Variants in RAD51C observed in about 807,000 individuals in gnomAD.
The protein encoded by RAD51C is DNA repair protein RAD51 homolog 3.
A neutral mutation model predicts 45.0 loss-of-function variants in RAD51C; 42 were observed. The observed-to-expected ratio is 0.93, with a 90% confidence interval of 0.73 to 1.21. The LOEUF is 1.21. RAD51C is among the 50% of genes most tolerant of loss of function. The pLI is 0.00. For missense variants in RAD51C, 474 were observed against 452.2 expected, an observed-to-expected ratio of 1.05 and a Z score of -0.44; for synonymous variants, 172 against 159.8, an observed-to-expected ratio of 1.08 and a Z score of -0.58.
At position 58,734,274 on chromosome 17, in the gene RAD51C, G is replaced by A. The variant is rs2144064364; in HGVS notation, c.*52G>A. ...AATTTATTGATGTTGTGAAATCAAT[G>A]TGTACAAGTGGACTTGTTACCTTAA... On this transcript the variant is annotated 3_prime_UTR_variant, in exon 9 of 9. Transcript: ENST00000337432. 1 of 1,576,614 alleles carries A rather than the reference G, an allele frequency of 6.3e-7. No homozygotes were observed. The highest frequency in any genetic ancestry group is 8.6e-7 in the Non-Finnish European group (1 of 1,157,836).
In RAD51C at chr17:58,692,630, C is replaced by T. The variant is rs774528162; in HGVS notation, c.-14C>T. 6.2e-7 allele frequency: 1 copy of T among 1,613,670 alleles called. No individual in the cohort carries two copies. The highest frequency in any genetic ancestry group is 1.3e-5 in the African/African-American group (1 of 74,924). On this transcript the variant is annotated 5_prime_UTR_variant, in exon 1 of 9. Coordinates refer to ENST00000337432, the MANE Select transcript of RAD51C (RefSeq NM_058216.3). ...CGGAGTTTGGCTGCTCCGGGGTTAG[C>T]AGGTGAGCCTGCGATGCGCGGGAAG...
Position 58,695,104 on chromosome 17 carries a change from C to G in RAD51C, c.319C>G (p.Leu107Val), listed in dbSNP as rs752817595. Residue 107 changes from leucine (L) to valine (V), a missense_variant, in exon 2 of 9, where the codon CTA (leucine) becomes GTA (valine). Coordinates refer to ENST00000337432, the MANE Select transcript of RAD51C (RefSeq NM_058216.3). Reference sequence around the variant, plus strand: ...CTTCATAATCACCTTCTGTTCAGCACTAGATGATATTCTTGGGGGTGGAGT... The same window carrying G: ...CTTCATAATCACCTTCTGTTCAGCAGTAGATGATATTCTTGGGGGTGGAGT... ...QGFIITFCSA[L>V]DDILGGGVPL... 1 of 1,614,090 alleles carries G rather than the reference C, an allele frequency of 6.2e-7. No individual in the cohort carries two copies. The highest frequency in any genetic ancestry group is 1.1e-5 in the South Asian group (1 of 91,082).
At chr17:58,730,091 A>T (rs1367430499) in intron 7 of RAD51C, among the ~76,000 whole-genome samples, 1 of 151,404 alleles carries the variant, frequency 6.6e-6, no homozygotes, top group Non-Finnish European at 1.5e-5. Flanking sequence ...TTTTCTGTGA[A>T]TTTTTGCATT....
At position 58,694,970 on chromosome 17, in the gene RAD51C, A is replaced by G. The variant is rs1308150896; in HGVS notation, c.185A>G (p.Gln62Arg). 1.9e-6 allele frequency: 3 copies of G among 1,614,038 alleles called. No individual in the cohort carries two copies. Among genetic ancestry groups the G allele is most frequent in the African/African-American group, 1.3e-5 (1 of 74,934 alleles). ...ISKAEALETL[Q>R]IIRRECLTNK... Reference sequence around the variant, plus strand: ...AAAGCAGAAGCCTTAGAAACTCTGCAAATTATCAGAAGAGAATGTCTCACA... The same window carrying G: ...AAAGCAGAAGCCTTAGAAACTCTGCGAATTATCAGAAGAGAATGTCTCACA... Residue 62 changes from glutamine (Q) to arginine (R), a missense_variant, in exon 2 of 9, where the codon CAA (glutamine) becomes CGA (arginine). Physicochemically the swap from Gln to Arg is conservative, Grantham distance 43 (BLOSUM62 1). Transcript: ENST00000337432.
intron 4 of RAD51C, among the ~76,000 whole-genome samples, chr17:58,705,383 G>C (rs2048345669): frequency 6.6e-6 from 1 of 151,608 alleles, no homozygotes; most frequent in Non-Finnish European, 1.5e-5. Context: ...ACCCAGGCTG[G>C]AGTGCAATGG....
Position 58,703,027 on chromosome 17 carries a change from A to T in RAD51C, c.572-169A>T, listed in dbSNP as rs113807207. 6.0e-4 allele frequency among the ~76,000 whole-genome samples: 91 copies of T among 152,362 alleles called. 1 individual carries two copies. The highest frequency in any genetic ancestry group is 2.1e-3 in the African/African-American group (87 of 41,588). On this transcript the variant is annotated intron_variant, in intron 3 of 8. Transcript: ENST00000337432. ...TGTACCCTAGAACTTTAATTAAAAGATCAGGAATTATGAACTGTTTATAGT... is the reference window on the plus strand; with the variant it reads ...TGTACCCTAGAACTTTAATTAAAAGTTCAGGAATTATGAACTGTTTATAGT...
rs140804406 is a variant in RAD51C, at chr17:58,703,264, C to T, written c.640C>T (p.Arg214Cys). The T allele has an allele frequency of 3.7e-5, 59 of 1,607,966 alleles. No individual in the cohort carries two copies. In the African/African-American group the frequency reaches 6.0e-4, roughly 16 times the overall value. Residue 214 changes from arginine (R) to cysteine (C), a missense_variant, in exon 4 of 9, where the codon CGT (arginine) becomes TGT (cysteine). By Grantham distance (180) the Arg-to-Cys change is radical. Coordinates refer to ENST00000337432, the MANE Select transcript of RAD51C (RefSeq NM_058216.3). ...ILSHIYYFRC[R>C]DYTELLAQVY... ...TTCTCATATTTATTATTTTCGCTGT[C>T]GTGACTACACAGAGTTACTGGCACA...
intron 3 of RAD51C, among the ~76,000 whole-genome samples, chr17:58,702,833 A>G (rs1441521935): frequency 2.6e-5 from 4 of 152,102 alleles, no homozygotes; most frequent in African/African-American, 9.7e-5. Flanking sequence ...ACTGTGCTCC[A>G]GCCTGGGCGT....
Position 58,696,874 on chromosome 17 carries a change from G to C in RAD51C, c.571+15G>C, listed in dbSNP as rs375007340. 1 of 1,613,296 alleles carries C rather than the reference G, an allele frequency of 6.2e-7. No homozygotes were observed. Among genetic ancestry groups the C allele is most frequent in the Non-Finnish European group, 8.5e-7 (1 of 1,179,310 alleles). ...CAAGGGAGAGGGTAAGTTAGTAAAT[G>C]ATCTTCTTTTTTTCTGTATTAATAA... On this transcript the variant is annotated intron_variant, in intron 3 of 8. Coordinates refer to ENST00000337432, the MANE Select transcript of RAD51C (RefSeq NM_058216.3).
chr17:58,694,782 AAAATT>A (rs1250609522), intron 1 of RAD51C, 144 bp from the exon 2 acceptor site: 10 of 888,248 alleles, frequency 1.1e-5, no homozygotes, highest in Non-Finnish European at 1.3e-5. Flanking sequence ...GCCAAACTGA[AAAATT>A]AAATGGTTGA....
At chr17:58,696,610 C>G in intron 2 of RAD51C, 83 bp from the exon 3 acceptor site, 2 of 1,553,486 alleles carry the variant, frequency 1.3e-6, no homozygotes, top group Non-Finnish European at 1.8e-6. Flanking sequence ...TTAGTGATAC[C>G]TAACTTGTCA....
Position 58,725,761 on chromosome 17 carries a change from G to A in RAD51C, c.965+1661G>A, listed in dbSNP as rs115845402. On this transcript the variant is annotated intron_variant, in intron 7 of 8. Coordinates refer to ENST00000337432, the MANE Select transcript of RAD51C (RefSeq NM_058216.3). The stretch of plus-strand genomic sequence containing the variant: ...TGTAATCTCATCACTTTGGGAGGCT[G>A]AGGTAGGTGGATCATGGGGTCAAGA... Among the ~76,000 whole-genome samples the A allele has an allele frequency of 4.8e-3, 738 of 152,246 alleles. 2 individuals carry two copies. Among genetic ancestry groups the A allele is most frequent in the African/African-American group, 0.017 (717 of 41,540 alleles).
At chr17:58,707,672 A>AC (rs2048421369) in intron 4 of RAD51C, among the ~76,000 whole-genome samples, 1 of 152,056 alleles carries the variant, frequency 6.6e-6, no homozygotes, top group South Asian at 2.1e-4. Flanking sequence ...TTCTCTCACT[A>AC]CCTAACCCAC....
intron 5 of RAD51C, among the ~76,000 whole-genome samples, chr17:58,710,250 G>A (rs1468116876): frequency 1.3e-5 from 2 of 150,272 alleles, no homozygotes; most frequent in Non-Finnish European, 3.0e-5. Flanking sequence ...GGGAGGCCGA[G>A]GCAGGTGGAT....
chr17:58,731,292 C>CT (rs2049411303), intron 7 of RAD51C, among the ~76,000 whole-genome samples: 1 of 136,992 alleles, frequency 7.3e-6, no homozygotes, highest in African/African-American at 2.7e-5. Context: ...GAGTTTCACT[C>CT]TTTTTTGCCC....
chr17:58,695,221 G>A (rs764097806), intron 2 of RAD51C, 32 bp downstream of exon 2: 6 of 1,589,940 alleles, frequency 3.8e-6, no homozygotes, highest in Non-Finnish European at 5.1e-6. Context: ...TTAAGGGTGG[G>A]TTTAATAACA....
intron 4 of RAD51C, among the ~76,000 whole-genome samples, chr17:58,705,335 T>C (rs1363678932): frequency 6.8e-6 from 1 of 146,576 alleles, no homozygotes; most frequent in Admixed American, 6.8e-5. Context: ...TGGTGTTTTT[T>C]CTTTTTTTTG....
chr17:58,703,134 T>C, intron 3 of RAD51C, 62 bp from the exon 4 acceptor site: 1 of 1,550,542 alleles, frequency 6.4e-7, no homozygotes, highest in Non-Finnish European at 8.9e-7. Flanking sequence ...AAGCATTGTT[T>C]TTCTACAATT....
intron 5 of RAD51C, among the ~76,000 whole-genome samples, chr17:58,714,453 T>TTTTA (rs1439539978): frequency 1.8e-4 from 28 of 152,268 alleles, no homozygotes; most frequent in African/African-American, 6.5e-4. Context: ...GGTACCAGTC[T>TTTTA]TTTATTTATT....
Sources: gnomAD v4.1 joint callset for allele counts (sites outside exome capture counted in the v4.1 genomes callset) on GRCh38, gnomAD v4.1.1 for gene constraint, MANE v1.5 for transcripts, NCBI Gene and HGNC (gene_info 2026-07-23, HGNC 2026-07-21) for gene names.